The following PRKCE variants were observed in gnomAD, a reference collection of about 807,000 sequenced individuals.
The protein encoded by PRKCE is protein kinase C epsilon, also known as protein kinase C epsilon type.
PRKCE carries 16 observed loss-of-function variants against 85.4 expected under a neutral mutation model. The observed-to-expected ratio is 0.19, with a 90% CI of 0.13 to 0.28. The LOEUF is 0.28. PRKCE is among the 10% of genes least tolerant of loss of function. The pLI is 1.00. For synonymous variants in PRKCE, 388 were observed against 371.5 expected (o/e 1.04, Z -0.51); for missense variants, 573 against 975.2 (o/e 0.59, Z 5.49).
At chr2:45,659,583 C>A (rs1326796463) in intron 1 of PRKCE, among the ~76,000 whole-genome samples, 1 of 152,202 alleles carries the variant, frequency 6.6e-6, no homozygotes, top group African/African-American at 2.4e-5. Context: ...CTCTCTGACC[C>A]TATCACTTGC....
chr2:46,125,735 C>T (rs1673785762), intron 11 of PRKCE, among the ~76,000 whole-genome samples: 1 of 152,140 alleles, frequency 6.6e-6, no homozygotes, highest in South Asian at 2.1e-4. Flanking sequence ...TTAGTAGGTA[C>T]ATAAGTGAGA....
intron 2 of PRKCE, among the ~76,000 whole-genome samples, chr2:45,904,895 C>A (rs538536162): frequency 9.9e-5 from 15 of 152,242 alleles, no homozygotes; most frequent in South Asian, 2.1e-4. Flanking sequence ...TGTTGGTGAG[C>A]CCTGGGGGAG....
Position 45,716,690 on chromosome 2 carries a change from AGAAG to A in PRKCE, c.348+64282_348+64285del, listed in dbSNP as rs750015013. Among the ~76,000 whole-genome samples, 838 of 112,488 alleles carry A rather than the reference AGAAG, an allele frequency of 7.4e-3. 10 individuals are homozygous for A. The highest frequency in any genetic ancestry group is 0.014 in the African/African-American group (396 of 27,522). The allele number at this position is 112,488 out of a possible 152,430, so 73.8% of individuals were successfully genotyped here. A position where few individuals can be genotyped will look rare whatever the true frequency, so the allele number is the denominator to read the frequency against. On this transcript the variant is annotated intron_variant, in intron 1 of 14. Transcript: ENST00000306156. Reference sequence around the variant, plus strand: ...GAAAAAGAAGAAGAAGAAGAAGAAGAGAAGGAAGGAAGGAAGGAAGGAAGGAAGG... The same window carrying A: ...GAAAAAGAAGAAGAAGAAGAAGAAGAGAAGGAAGGAAGGAAGGAAGGAAGG...
At chr2:45,868,750 A>T (rs1693832211) in intron 2 of PRKCE, among the ~76,000 whole-genome samples, 1 of 150,036 alleles carries the variant, frequency 6.7e-6, no homozygotes, top group Non-Finnish European at 1.5e-5. Flanking sequence ...CAGCCTGGCC[A>T]ACATGGGGAA....
intron 2 of PRKCE, among the ~76,000 whole-genome samples, chr2:45,929,340 G>C (rs950077374): frequency 6.6e-6 from 1 of 152,220 alleles, no homozygotes; most frequent in Non-Finnish European, 1.5e-5. Flanking sequence ...TAGCGGAGCC[G>C]TTCCTCCCGG....
At position 45,697,180 on chromosome 2, in the gene PRKCE, A is replaced by G. The variant is rs1490689681; in HGVS notation, c.348+44732A>G. 3.3e-5 allele frequency among the ~76,000 whole-genome samples: 5 copies of G among 152,174 alleles called. No individual in the cohort carries two copies. Among genetic ancestry groups the G allele is most frequent in the African/African-American group, 1.2e-4 (5 of 41,444 alleles). ...AAATGCTCTAGTGTAGCTGACAGTG[A>G]CTGCATCGTCCTTTCAAAGAGTCCA... On this transcript the variant is annotated intron_variant, in intron 1 of 14. Coordinates refer to ENST00000306156, the MANE Select transcript of PRKCE (RefSeq NM_005400.3). This position sits in a 1 kb window ranked among gnomAD's most constrained non-coding sequence, Gnocchi z 4.2.
intron 11 of PRKCE, among the ~76,000 whole-genome samples, chr2:46,143,373 G>T (rs1177169778): frequency 6.6e-6 from 1 of 152,140 alleles, no homozygotes; most frequent in Non-Finnish European, 1.5e-5. Flanking sequence ...GGCCCCAGCT[G>T]TCAGCTTCTC....
chr2:45,953,247 T>C (rs1485159151), intron 2 of PRKCE, among the ~76,000 whole-genome samples: 3 of 152,214 alleles, frequency 2.0e-5, no homozygotes, highest in Admixed American at 1.3e-4. Context: ...TTGAAAAACA[T>C]GAACCATCCC....
chr2:46,075,180 G>A (rs1185379926), intron 10 of PRKCE, among the ~76,000 whole-genome samples: 1 of 151,956 alleles, frequency 6.6e-6, no homozygotes, highest in Non-Finnish European at 1.5e-5. Context: ...AGCTGGGACT[G>A]TAGGCACGCA....
At chr2:45,992,187 T>G (rs960883712) in intron 6 of PRKCE, among the ~76,000 whole-genome samples, 2 of 150,630 alleles carry the variant, frequency 1.3e-5, no homozygotes, top group African/African-American at 4.9e-5. Flanking sequence ...GCCACAGGAG[T>G]GCTTTGGTTG....
Position 46,004,236 on chromosome 2 carries a change from G to C in PRKCE, c.967-306G>C, listed in dbSNP as rs1704970413. On this transcript the variant is annotated intron_variant, in intron 7 of 14. Coordinates refer to ENST00000306156, the MANE Select transcript of PRKCE (RefSeq NM_005400.3). The surrounding 1 kb of genome is among the most constrained non-coding windows in gnomAD (Gnocchi z 4.1). ...CCGAACTACTTCATCCTTTTGGATG[G>C]GGTTGGATCAAACATTGTACCTCTG... The C allele has an allele frequency of 2.7e-6, 1 of 365,190 alleles. No individual in the cohort carries two copies. Among genetic ancestry groups the C allele is most frequent in the Middle Eastern group, 9.3e-4 (1 of 1,072 alleles). The allele number at this position is 365,190 out of a possible 1,614,324, so 22.6% of individuals were successfully genotyped here. A position where few individuals can be genotyped will look rare whatever the true frequency, so the allele number is the denominator to read the frequency against.
intron 10 of PRKCE, among the ~76,000 whole-genome samples, chr2:46,084,668 G>T (rs1268770692): frequency 6.9e-6 from 1 of 145,314 alleles, no homozygotes; most frequent in East Asian, 2.0e-4. Flanking sequence ...GTTGCAGTGA[G>T]CTGAGATCGC....
chr2:45,809,138 C>A (rs1179701267), intron 1 of PRKCE, among the ~76,000 whole-genome samples: 1 of 152,082 alleles, frequency 6.6e-6, no homozygotes, highest in African/African-American at 2.4e-5. Context: ...TAGACTAGGG[C>A]CCCCTTCTAG....
At chr2:46,121,753 A>G (rs1358000680) in intron 11 of PRKCE, among the ~76,000 whole-genome samples, 1 of 152,206 alleles carries the variant, frequency 6.6e-6, no homozygotes, top group Non-Finnish European at 1.5e-5. Context: ...CCCTAAATGC[A>G]TACCTGCAGG....
At chr2:45,664,964 C>T (rs540393654) in intron 1 of PRKCE, among the ~76,000 whole-genome samples, 2 of 152,282 alleles carry the variant, frequency 1.3e-5, no homozygotes, top group African/African-American at 2.4e-5. Context: ...TGTCCTGGGC[C>T]AAATTTGGGC....
chr2:45,972,689 G>C (rs1702186474), intron 2 of PRKCE, among the ~76,000 whole-genome samples: 1 of 152,166 alleles, frequency 6.6e-6, no homozygotes, highest in Admixed American at 6.5e-5. Context: ...TGGATGTACA[G>C]TTTTCCCAAC....
chr2:46,026,142 A>C (rs569144935), intron 10 of PRKCE, among the ~76,000 whole-genome samples: 2 of 152,378 alleles, frequency 1.3e-5, no homozygotes, highest in African/African-American at 4.8e-5. Flanking sequence ...AGATATTCAA[A>C]TACCCCTTTC....
chr2:45,904,595 A>G (rs1696831146), intron 2 of PRKCE, among the ~76,000 whole-genome samples: 1 of 152,134 alleles, frequency 6.6e-6, no homozygotes, highest in Non-Finnish European at 1.5e-5. Flanking sequence ...AAGAAGCGAA[A>G]TGTCTTAGCT....
chr2:45,793,386 G>T (rs1447885567), intron 1 of PRKCE, among the ~76,000 whole-genome samples: 1 of 152,182 alleles, frequency 6.6e-6, no homozygotes, highest in Non-Finnish European at 1.5e-5. Flanking sequence ...AGGGAGGCAA[G>T]CTGAGAGGGG....
Sources: gnomAD v4.1 joint callset for allele counts (sites outside exome capture counted in the v4.1 genomes callset) on GRCh38, gnomAD v4.1.1 for gene constraint, Gnocchi (gnomAD v3.1) non-coding constraint, MANE v1.5 for transcripts, NCBI Gene and HGNC (gene_info 2026-07-23, HGNC 2026-07-21) for gene names.